Variants in GPC6 observed in about 807,000 individuals in gnomAD.
GPC6 encodes glypican 6, also known as glypican-6.
In GPC6, 14 loss-of-function variants were observed where a neutral mutation model predicts 55.2. The observed-to-expected ratio is 0.25, with a 90% confidence interval of 0.17 to 0.40. The LOEUF (loss-of-function observed/expected upper bound fraction) is 0.40. Among genes scored for constraint, GPC6 ranks in the 10% least tolerant of loss-of-function variants. The pLI, the probability that GPC6 is intolerant of heterozygous loss-of-function variation, is 1.00. For synonymous variants in GPC6, 278 were observed against 259.6 expected (o/e 1.07, Z -0.68); for missense variants, 641 against 708.5 (o/e 0.90, Z 1.08).
chr13:93,795,595 G>T (rs1886170736), intron 2 of GPC6, among the ~76,000 whole-genome samples: 1 of 152,204 alleles, frequency 6.6e-6, no homozygotes, highest in Non-Finnish European at 1.5e-5. Context: ...TGATTGAAAA[G>T]ATATTGGTGC....
chr13:93,490,731 G>C (rs1391636778), intron 1 of GPC6, among the ~76,000 whole-genome samples: 54 of 116,092 alleles, frequency 4.7e-4, no homozygotes, highest in Non-Finnish European at 8.1e-4. Context: ...CATGTGATCT[G>C]ATTGTTCAAT....
At chr13:93,759,552 C>T (rs1048409322) in intron 2 of GPC6, among the ~76,000 whole-genome samples, 6 of 152,088 alleles carry the variant, frequency 3.9e-5, no homozygotes, top group Non-Finnish European at 8.8e-5. Context: ...TCTTGTTTTC[C>T]TATTGCCATA....
intron 2 of GPC6, among the ~76,000 whole-genome samples, chr13:93,699,157 T>G (rs1185630841): frequency 6.6e-6 from 1 of 152,098 alleles, no homozygotes; most frequent in Non-Finnish European, 1.5e-5. Context: ...CCACATACTT[T>G]CCTATGCATG....
At chr13:93,551,396 TC>T (rs1875153389) in intron 2 of GPC6, among the ~76,000 whole-genome samples, 1 of 152,156 alleles carries the variant, frequency 6.6e-6, no homozygotes, top group African/African-American at 2.4e-5. Context: ...GATTGGCTGT[TC>T]TAAGATGTGC....
At chr13:93,786,459 G>A (rs1013756681) in intron 2 of GPC6, among the ~76,000 whole-genome samples, 10 of 151,666 alleles carry the variant, frequency 6.6e-5, no homozygotes, top group African/African-American at 2.4e-4. Flanking sequence ...TCATATAAGT[G>A]TCTTCTCTGA....
At chr13:93,230,462 A>C (rs1875966563) in intron 1 of GPC6, among the ~76,000 whole-genome samples, 1 of 152,136 alleles carries the variant, frequency 6.6e-6, no homozygotes, top group Non-Finnish European at 1.5e-5. Flanking sequence ...CTGATTTTAA[A>C]CCATGGCAAG....
chr13:94,201,060 T>C (rs1348528916), intron 4 of GPC6, among the ~76,000 whole-genome samples: 2 of 152,212 alleles, frequency 1.3e-5, no homozygotes, highest in East Asian at 3.8e-4. Flanking sequence ...ACTGTAACAT[T>C]ATCAAGGCTG....
At chr13:94,017,862 G>C (rs1394693121) in intron 3 of GPC6, among the ~76,000 whole-genome samples, 1 of 151,888 alleles carries the variant, frequency 6.6e-6, no homozygotes, top group African/African-American at 2.4e-5. Flanking sequence ...ATTTTTAGTA[G>C]AGATGGGGTT....
At chr13:93,465,819 G>A (rs1359238180) in intron 1 of GPC6, among the ~76,000 whole-genome samples, 2 of 152,060 alleles carry the variant, frequency 1.3e-5, no homozygotes, top group Non-Finnish European at 1.5e-5. Context: ...TGCCTTAATC[G>A]CTAAGCTTAA....
chr13:94,373,356 G>A (rs1050404495), intron 6 of GPC6, among the ~76,000 whole-genome samples: 1 of 151,948 alleles, frequency 6.6e-6, no homozygotes, highest in Non-Finnish European at 1.5e-5. Flanking sequence ...AACCAATACA[G>A]AGAAGTGCTT....
intron 2 of GPC6, among the ~76,000 whole-genome samples, chr13:93,659,989 C>A (rs190557810): frequency 9.2e-5 from 14 of 152,094 alleles, no homozygotes; most frequent in African/African-American, 3.1e-4. Context: ...AGAGAGTTAT[C>A]CTTTCATTGT....
intron 6 of GPC6, among the ~76,000 whole-genome samples, chr13:94,321,211 C>A (rs1273281691): frequency 6.6e-6 from 1 of 152,138 alleles, no homozygotes; most frequent in Non-Finnish European, 1.5e-5. Context: ...CAGATAGTGG[C>A]CTCCAGTTCT....
intron 1 of GPC6, among the ~76,000 whole-genome samples, chr13:93,423,775 C>G (rs1243133037): frequency 1.3e-5 from 2 of 152,082 alleles, no homozygotes; most frequent in African/African-American, 4.8e-5. Context: ...ATAATGAGAG[C>G]TGCTGGAGTG....
At chr13:93,474,741 G>A (rs1879243792) in intron 1 of GPC6, among the ~76,000 whole-genome samples, 1 of 152,134 alleles carries the variant, frequency 6.6e-6, no homozygotes, top group South Asian at 2.1e-4. Flanking sequence ...AGTCTGTCCG[G>A]GTTTTGTGGC....
intron 4 of GPC6, among the ~76,000 whole-genome samples, chr13:94,112,622 TTCTTA>T (rs1194166208): frequency 6.6e-6 from 1 of 152,174 alleles, no homozygotes; most frequent in East Asian, 1.9e-4. Flanking sequence ...CTTCCAAGCT[TTCTTA>T]TCTTTGCTTT....
At chr13:94,193,409 G>C (rs1011266910) in intron 4 of GPC6, among the ~76,000 whole-genome samples, 11 of 152,156 alleles carry the variant, frequency 7.2e-5, no homozygotes, top group Admixed American at 5.9e-4. Flanking sequence ...AGTGGGAGGG[G>C]GCCGCCATTC....
chr13:93,265,741 G>A (rs978262571), intron 1 of GPC6, among the ~76,000 whole-genome samples: 2 of 151,838 alleles, frequency 1.3e-5, no homozygotes, highest in Non-Finnish European at 2.9e-5. Context: ...AGCTTTTATT[G>A]GCCCACAAGA....
chr13:93,703,836 A>G (rs572288539), intron 2 of GPC6, among the ~76,000 whole-genome samples: 2 of 152,046 alleles, frequency 1.3e-5, no homozygotes, highest in South Asian at 2.1e-4. Flanking sequence ...TTAGCAGCCA[A>G]CTGTTTAATA....
At chr13:93,970,582 G>T (rs1185702602) in intron 3 of GPC6, among the ~76,000 whole-genome samples, 1 of 152,192 alleles carries the variant, frequency 6.6e-6, no homozygotes, top group African/African-American at 2.4e-5. Flanking sequence ...GGAAGTCTAA[G>T]ATTAAATGAG....
Sources: gnomAD v4.1 joint callset for allele counts (sites outside exome capture counted in the v4.1 genomes callset) on GRCh38, gnomAD v4.1.1 for gene constraint, MANE v1.5 for transcripts, NCBI Gene and HGNC (gene_info 2026-07-23, HGNC 2026-07-21) for gene names.